Variants in RREB1 observed in about 807,000 individuals in gnomAD.
The protein encoded by RREB1 is ras-responsive element-binding protein 1.
In RREB1, 27 loss-of-function variants were observed where a neutral mutation model predicts 117.8. That is an observed-to-expected ratio of 0.23 (90% CI 0.17 to 0.32). The LOEUF is 0.32. Among genes scored for constraint, RREB1 ranks in the 10% least tolerant of loss-of-function variants. The pLI, the probability that RREB1 is intolerant of heterozygous loss-of-function variation, is 1.00. For synonymous variants in RREB1, 1,298 were observed against 1,026.7 expected, an observed-to-expected ratio of 1.26 and a Z score of -5.05; for missense variants, 2,577 against 2,378.2, an observed-to-expected ratio of 1.08 and a Z score of -1.74.
intron 1 of RREB1, among the ~76,000 whole-genome samples, chr6:7,171,263 G>A (rs1034028215): frequency 1.3e-5 from 2 of 152,204 alleles, no homozygotes; most frequent in Non-Finnish European, 2.9e-5. Context: ...TGAGGTGGAA[G>A]TCCAGTTCTG....
intron 1 of RREB1, among the ~76,000 whole-genome samples, chr6:7,139,571 A>G (rs757133416): frequency 4.6e-5 from 7 of 152,258 alleles, no homozygotes; most frequent in Non-Finnish European, 8.8e-5. Flanking sequence ...ACCTATGTGT[A>G]GCTATTCAAA....
At chr6:7,163,162 A>G (rs988408662) in intron 1 of RREB1, among the ~76,000 whole-genome samples, 1 of 152,222 alleles carries the variant, frequency 6.6e-6, no homozygotes, top group African/African-American at 2.4e-5. Context: ...AAGTTTAACT[A>G]CAAGGAATAA....
chr6:7,133,864 G>A (rs1416758566), intron 1 of RREB1, among the ~76,000 whole-genome samples: 1 of 151,940 alleles, frequency 6.6e-6, no homozygotes, highest in Non-Finnish European at 1.5e-5. Context: ...GGTTTTCTAT[G>A]GATATATACA....
chr6:7,231,703 G>T lies in RREB1; in HGVS notation c.3604G>T (p.Asp1202Tyr). 1.2e-6 allele frequency: 2 copies of T among 1,613,488 alleles called. No homozygotes were observed. Among genetic ancestry groups the T allele is most frequent in the Non-Finnish European group, 1.7e-6 (2 of 1,179,754 alleles). The change falls in exon 10 of 13, where the codon GAC becomes TAC. Residue 1202 changes from aspartate to tyrosine, a missense_variant. Transcript: ENST00000379938. Reference sequence around the variant, plus strand: ...CAGTCCGTTTCTGCAGACAGCGGAGGACAACACTCAGGATGAGGTGGCCGG... The same window carrying T: ...CAGTCCGTTTCTGCAGACAGCGGAGTACAACACTCAGGATGAGGTGGCCGG... ...KFSPFLQTAEDNTQDEVAGAP... is the reference protein window; with the variant it reads ...KFSPFLQTAEYNTQDEVAGAP...
In RREB1 at chr6:7,157,607, C is replaced by CA. The variant is rs142156276; in HGVS notation, c.-284-19038dup. Among the ~76,000 whole-genome samples the CA allele has an allele frequency of 4.5e-3, 662 of 147,312 alleles. 6 individuals are homozygous for CA. The highest frequency in any genetic ancestry group is 0.015 in the African/African-American group (590 of 40,100). Reference sequence around the variant, plus strand: ...GCAACATAGTGAGACTCCGTCTCTCCAAAAAAAAAATAAAGTTAGCATGGT... The same window carrying CA: ...GCAACATAGTGAGACTCCGTCTCTCCAAAAAAAAAAATAAAGTTAGCATGGT... On this transcript the variant is annotated intron_variant, in intron 1 of 12. Coordinates refer to ENST00000379938, the MANE Select transcript of RREB1 (RefSeq NM_001003699.4).
chr6:7,126,633 C>T (rs1761946397), intron 1 of RREB1, among the ~76,000 whole-genome samples: 3 of 152,228 alleles, frequency 2.0e-5, no homozygotes, highest in Non-Finnish European at 4.4e-5. Flanking sequence ...TATAACTGAC[C>T]TATCTTCTCT....
At chr6:7,200,078 G>GT (rs1765866358) in intron 6 of RREB1, among the ~76,000 whole-genome samples, 1 of 151,998 alleles carries the variant, frequency 6.6e-6, no homozygotes, top group African/African-American at 2.4e-5. Flanking sequence ...TGTGTAGCCT[G>GT]TTTTTTATTT....
chr6:7,210,062 A>T (rs1041796655), intron 6 of RREB1, among the ~76,000 whole-genome samples: 1 of 152,270 alleles, frequency 6.6e-6, no homozygotes, highest in Non-Finnish European at 1.5e-5. Context: ...TTTGTTTTAG[A>T]ACTCAATAAA....
intron 1 of RREB1, among the ~76,000 whole-genome samples, chr6:7,165,830 C>A (rs1172294280): frequency 2.6e-5 from 4 of 152,086 alleles, no homozygotes; most frequent in African/African-American, 9.7e-5. Flanking sequence ...TGTCTATCTC[C>A]CCTTTTCAGT....
intron 12 of RREB1, among the ~76,000 whole-genome samples, chr6:7,248,181 C>T (rs894736169): frequency 2.6e-5 from 4 of 152,248 alleles, no homozygotes; most frequent in African/African-American, 7.2e-5. Flanking sequence ...CTCCTGTCCC[C>T]CTCTAGATTC....
Position 7,246,573 on chromosome 6 carries a change from T to C in RREB1, c.4123T>C (p.Ser1375Pro). The C allele has an allele frequency of 3.2e-6, 5 of 1,550,182 alleles. No homozygotes were observed. The highest frequency in any genetic ancestry group is 4.4e-6 in the Non-Finnish European group (5 of 1,147,228). ...PVEQATAETA[S>P]PVHREEHGRG... is the part of the protein sequence containing the mutation. The stretch of plus-strand genomic sequence containing the variant: ...GGAGCAGGCCACGGCGGAAACGGCC[T>C]CGCCGGTGCACCGGGAAGAGCACGG... Residue 1375 changes from serine to proline, a missense_variant, in exon 12 of 13, where the codon TCG becomes CCG. Coordinates refer to ENST00000379938, the MANE Select transcript of RREB1 (RefSeq NM_001003699.4).
At position 7,229,404 on chromosome 6, in the gene RREB1, G is replaced by A; in HGVS notation, c.1305G>A (p.Lys435=). ...TVLPATKDSI[K]HLSLQPFQKG... ...TCCCCGCGACCAAGGACAGCATAAA[G>A]CACCTGTCCCTGCAGCCCTTCCAGA... Residue 435 remains lysine (K), a synonymous_variant, in exon 10 of 13, where the codon AAG becomes AAA. Transcript: ENST00000379938. The surrounding 1 kb of genome is among the most constrained non-coding windows in gnomAD (Gnocchi z 4.5). 6.2e-7 allele frequency: 1 copy of A among 1,614,180 alleles called. No homozygotes were observed. Among genetic ancestry groups the A allele is most frequent in the Non-Finnish European group, 8.5e-7 (1 of 1,180,004 alleles).
intron 7 of RREB1, 97 bp downstream of exon 7, chr6:7,211,045 T>G: frequency 8.1e-7 from 1 of 1,238,142 alleles, no homozygotes; most frequent in Non-Finnish European, 1.1e-6. Context: ...TTGGCAGACA[T>G]ACATCCTAAG....
chr6:7,210,597 C>T (rs578092163), intron 6 of RREB1, among the ~76,000 whole-genome samples: 7 of 152,234 alleles, frequency 4.6e-5, no homozygotes, highest in South Asian at 2.1e-4. Context: ...CATTAAGCAA[C>T]GCTTTTGGAC....
chr6:7,206,013 T>C (rs571813196), intron 6 of RREB1, among the ~76,000 whole-genome samples: 2 of 152,218 alleles, frequency 1.3e-5, no homozygotes, highest in Non-Finnish European at 2.9e-5. Flanking sequence ...TTGGGTGTTA[T>C]GAATAGGATA....
intron 11 of RREB1, among the ~76,000 whole-genome samples, chr6:7,244,560 C>T (rs1443051444): frequency 6.6e-6 from 1 of 152,196 alleles, no homozygotes; most frequent in Non-Finnish European, 1.5e-5. Flanking sequence ...GTGGCCCAGA[C>T]ATTGGTGTGC....
intron 1 of RREB1, among the ~76,000 whole-genome samples, chr6:7,170,992 A>G (rs551097885): frequency 1.3e-5 from 2 of 152,252 alleles, no homozygotes; most frequent in African/African-American, 4.8e-5. Flanking sequence ...TTGCATTTCT[A>G]ATAAAGGGCT....
Position 7,231,436 on chromosome 6 carries a change from A to G in RREB1, c.3337A>G (p.Thr1113Ala), listed in dbSNP as rs1209371010. ...AGGAGGTTCTGTCCCCAAAGCCGCC[A>G]CCACCGCCACCCCCGCTGCCACCAC... ...SLGGSVPKAA[T>A]TATPAATTSP... Residue 1113 changes from threonine to alanine, a missense_variant, in exon 10 of 13, where the codon ACC becomes GCC. Thr to Ala is a moderately conservative substitution (Grantham distance 58). Coordinates refer to ENST00000379938, the MANE Select transcript of RREB1 (RefSeq NM_001003699.4). 6.2e-7 allele frequency: 1 copy of G among 1,611,850 alleles called. No homozygotes were observed. Among genetic ancestry groups the G allele is most frequent in the Non-Finnish European group, 8.5e-7 (1 of 1,179,404 alleles).
chr6:7,188,776 A>G (rs1018061152), intron 5 of RREB1, among the ~76,000 whole-genome samples: 2 of 152,154 alleles, frequency 1.3e-5, no homozygotes, highest in Non-Finnish European at 2.9e-5. Context: ...ATCAAATCTG[A>G]AGAAGGGACG....
Sources: allele counts gnomAD v4.1 joint callset (sites outside exome capture counted in the v4.1 genomes callset), GRCh38; gene constraint gnomAD v4.1.1; non-coding constraint Gnocchi (gnomAD v3.1); transcripts MANE v1.5; gene names NCBI Gene and HGNC (gene_info 2026-07-23, HGNC 2026-07-21).